RBP4: variants seen among roughly 807,000 people sequenced by gnomAD.
RBP4 encodes retinol binding protein 4, also known as retinol-binding protein 4.
A neutral mutation model predicts 26.2 loss-of-function variants in RBP4; 9 were observed. That is an observed-to-expected ratio of 0.34 (90% CI 0.21 to 0.60). The LOEUF (loss-of-function observed/expected upper bound fraction) is 0.60. RBP4 is among the 20% of genes least tolerant of loss of function. The pLI is 0.80. For synonymous variants in RBP4, 114 were observed against 111.0 expected (o/e 1.03, Z -0.17); for missense variants, 244 against 271.3 (o/e 0.90, Z 0.71).
chr10:93,599,752 A>G (rs1159745872), intron 4 of RBP4, among the ~76,000 whole-genome samples: 1 of 152,186 alleles, frequency 6.6e-6, no homozygotes, highest in Non-Finnish European at 1.5e-5. Flanking sequence ...AAAAAATGGG[A>G]AAAAGAGCAT....
chr10:93,600,873 G>C, intron 2 of RBP4, 45 bp downstream of exon 2: 1 of 1,606,456 alleles, frequency 6.2e-7, no homozygotes, highest in East Asian at 2.2e-5. Flanking sequence ...GGGCGGGGAT[G>C]GGGTGGGGAC....
intron 4 of RBP4, among the ~76,000 whole-genome samples, chr10:93,599,094 C>T (rs1275757812): frequency 6.6e-6 from 1 of 151,164 alleles, no homozygotes; most frequent in Non-Finnish European, 1.5e-5. Context: ...ACAAAAAATA[C>T]AAAAATTAGC....
intron 2 of RBP4, 41 bp downstream of exon 2, chr10:93,600,877 T>TGGGGGG: frequency 2.0e-6 from 2 of 1,014,734 alleles, no homozygotes; most frequent in Non-Finnish European, 1.4e-6. Context: ...GGGGATGGGG[T>TGGGGGG]GGGGACCTGG....
chr10:93,599,939 C>A (rs2058325390), intron 4 of RBP4, among the ~76,000 whole-genome samples: 1 of 152,142 alleles, frequency 6.6e-6, no homozygotes, highest in African/African-American at 2.4e-5. Context: ...ACTTGGGAGG[C>A]ATCCACCCCT....
At chr10:93,594,655 A>C (rs1035181376) in intron 4 of RBP4, among the ~76,000 whole-genome samples, 7 of 152,218 alleles carry the variant, frequency 4.6e-5, no homozygotes, top group Non-Finnish European at 7.3e-5. Flanking sequence ...TGAGGACACA[A>C]GAGGCCCACC....
chr10:93,592,827 T>C (rs913086873), intron 5 of RBP4, among the ~76,000 whole-genome samples: 1 of 151,684 alleles, frequency 6.6e-6, no homozygotes, highest in East Asian at 1.9e-4. Context: ...TTATTATTAT[T>C]ATTTTTTTGA....
In RBP4 at chr10:93,591,890, C is replaced by A; in HGVS notation, c.*185G>T. 1 of 612,514 alleles carries A rather than the reference C, an allele frequency of 1.6e-6. No individual in the cohort carries two copies. The highest frequency in any genetic ancestry group is 2.9e-6 in the Non-Finnish European group (1 of 344,484). 37.9% of individuals were successfully genotyped at this position (612,514 alleles called of 1,614,324 possible). ...GAATCAGAGTCTGGAATCTTAAGCC[C>A]CAGAAACTTTCAGGAAAGGCAAGCA... On this transcript the variant is annotated 3_prime_UTR_variant, in exon 6 of 6. Coordinates refer to ENST00000371464, the MANE Select transcript of RBP4 (RefSeq NM_006744.4).
chr10:93,601,450 T>C, upstream of RBP4: 1 of 1,093,712 alleles, frequency 9.1e-7, no homozygotes, highest in Non-Finnish European at 1.2e-6. Context: ...CGGGGTGGCC[T>C]CGGCCAGGCC....
At chr10:93,592,236 A>G in intron 5 of RBP4, 124 bp from the exon 6 acceptor site, 2 of 817,778 alleles carry the variant, frequency 2.4e-6, no homozygotes, top group Non-Finnish European at 4.2e-6. Context: ...AATGCATCAC[A>G]GCAGATTGCA....
chr10:93,594,233 T>C (rs996607946), intron 4 of RBP4, among the ~76,000 whole-genome samples, 198 bp from the exon 5 acceptor site: 3 of 152,168 alleles, frequency 2.0e-5, no homozygotes, highest in Non-Finnish European at 2.9e-5. Flanking sequence ...TCTCCTTTAT[T>C]GAAAAAAATC....
intron 3 of RBP4, 27 bp downstream of exon 3, chr10:93,600,640 G>A: frequency 6.2e-7 from 1 of 1,612,184 alleles, no homozygotes; most frequent in South Asian, 1.1e-5. Context: ...GAGCGCAAAG[G>A]GCGCAGCTGC....
chr10:93,600,999 C>T lies in RBP4; in HGVS notation c.30G>A (p.Leu10=), dbSNP rs747059731. 3.8e-5 allele frequency: 61 copies of T among 1,611,962 alleles called. No individual in the cohort carries two copies. The change falls in exon 2 of 6, where the codon TTG becomes TTA. Residue 10 remains leucine (L), a synonymous_variant. Coordinates refer to ENST00000371464, the MANE Select transcript of RBP4 (RefSeq NM_006744.4). MKWVWALLL[L]AALGSGRAER... ...CCGCGCGGCCGCTGCCCAGCGCCGC[C>T]AACAGCAAGAGCGCCCACACCCACT...
Position 93,600,486 on chromosome 10 carries a change from A to G in RBP4, c.262T>C (p.Cys88Arg). The change falls in exon 4 of 6, where the codon TGC (cysteine) becomes CGC (arginine). Residue 88 changes from cysteine (C) to arginine (R), a missense_variant. Cys to Arg is a radical substitution (Grantham distance 180). Transcript: ENST00000371464. ...RVRLLNNWDV[C>R]ADMVGTFTDT... is the part of the protein sequence containing the mutation. ...GTGAAGGTGCCCACCATGTCTGCGC[A>G]CACGTCCCAGTTACTGCAAAAGCCA... 1 of 1,614,088 alleles carries G rather than the reference A, an allele frequency of 6.2e-7. No individual in the cohort carries two copies. Among genetic ancestry groups the G allele is most frequent in the Non-Finnish European group, 8.5e-7 (1 of 1,180,026 alleles).
intron 4 of RBP4, among the ~76,000 whole-genome samples, chr10:93,598,257 C>T (rs1324409920): frequency 6.6e-6 from 1 of 152,224 alleles, no homozygotes; most frequent in Non-Finnish European, 1.5e-5. Context: ...ACAAAGAACT[C>T]ATGTCTCAGG....
At chr10:93,593,694 A>G in intron 5 of RBP4, 129 bp downstream of exon 5, 1 of 1,087,788 alleles carries the variant, frequency 9.2e-7, no homozygotes, top group South Asian at 1.3e-5. Context: ...TTGGCCTCAG[A>G]AAGGGGCTCC....
chr10:93,599,741 A>G (rs1036356519), intron 4 of RBP4, among the ~76,000 whole-genome samples: 7 of 152,260 alleles, frequency 4.6e-5, no homozygotes, highest in Middle Eastern at 3.4e-3. Context: ...ATAAATGGGG[A>G]AAAAAATGGG....
intron 4 of RBP4, among the ~76,000 whole-genome samples, chr10:93,595,123 G>A (rs1197715346): frequency 6.6e-6 from 1 of 152,108 alleles, no homozygotes; most frequent in Non-Finnish European, 1.5e-5. Context: ...CTGAGTGAGA[G>A]TGAGATTCTG....
chr10:93,593,778 A>C (rs1267605169), intron 5 of RBP4, 45 bp downstream of exon 5: 1 of 1,598,134 alleles, frequency 6.3e-7, no homozygotes, highest in Admixed American at 1.7e-5. Flanking sequence ...GTCCAAACCC[A>C]CTGCCCTGCA....
chr10:93,597,311 A>G (rs965074946), intron 4 of RBP4, among the ~76,000 whole-genome samples: 1 of 152,382 alleles, frequency 6.6e-6, no homozygotes, highest in East Asian at 1.9e-4. Context: ...TTCATCTGAC[A>G]GAAGGACACA....
Sources: allele counts gnomAD v4.1 joint callset (sites outside exome capture counted in the v4.1 genomes callset), GRCh38; gene constraint gnomAD v4.1.1; transcripts MANE v1.5; gene names NCBI Gene and HGNC (gene_info 2026-07-23, HGNC 2026-07-21).